Variants in CHEK2 observed in about 807,000 individuals in gnomAD.
CHEK2 encodes checkpoint kinase 2.
A neutral mutation model predicts 69.1 loss-of-function variants in CHEK2; 71 were observed. That is an observed-to-expected ratio of 1.03 (90% confidence interval 0.85 to 1.25). CHEK2 has a LOEUF of 1.25. Among genes scored for constraint, CHEK2 ranks in the 50% most tolerant of loss-of-function variants. The probability of loss-of-function intolerance (pLI) is 0.00; values close to 1 mark genes in which losing one functional copy is unlikely to be tolerated. For synonymous variants in CHEK2, 189 were observed against 226.9 expected (o/e 0.83, Z 1.50); for missense variants, 664 against 649.6 (o/e 1.02, Z -0.24).
chr22:28,734,824 A>AC, intron 1 of CHEK2, 97 bp from the exon 2 acceptor site: 79 of 898,428 alleles, frequency 8.8e-5, no homozygotes, highest in Non-Finnish European at 8.9e-5. Context: ...GCAAAAGAAA[A>AC]GAAAAAAAAA....
chr22:28,707,253 G>T (rs140461148), intron 7 of CHEK2, among the ~76,000 whole-genome samples: 1 of 152,158 alleles, frequency 6.6e-6, no homozygotes, highest in Non-Finnish European at 1.5e-5. Context: ...GGGAATTAAC[G>T]ATCTCTGTCA....
chr22:28,721,904 T>A (rs1309886821), intron 4 of CHEK2, among the ~76,000 whole-genome samples: 3 of 151,914 alleles, frequency 2.0e-5, no homozygotes, highest in Admixed American at 2.0e-4. Context: ...CTAATTTTTT[T>A]ATGTTTGGCA....
rs767300636 is a variant in CHEK2 at position 28,711,801 on chromosome 22, T to C, written c.792+108A>G. 3.7e-6 allele frequency: 3 copies of C among 803,504 alleles called. No individual in the cohort carries two copies. In the South Asian group the frequency reaches 4.2e-5, roughly 11 times the overall value. The allele number at this position is 803,504 out of a possible 1,614,324, so 49.8% of individuals were successfully genotyped here. ...TCTTTGATACTCACAAATTCATCCA[T>C]CTAAGCAGGGGGTTATTCCTGAGTT... On this transcript the variant is annotated intron_variant, in intron 6 of 14. Coordinates refer to ENST00000404276, the MANE Select transcript of CHEK2 (RefSeq NM_007194.4).
At chr22:28,723,601 GAAAAAAAAAGAA>G (rs894265910) in intron 4 of CHEK2, among the ~76,000 whole-genome samples, 2 of 48,862 alleles carry the variant, frequency 4.1e-5, no homozygotes, top group Non-Finnish European at 7.5e-5. Context: ...CCGTCACAAG[GAAAAAAAAAGAA>G]AAAAAAAAAA....
At chr22:28,688,721 T>TCAACAA (rs1039027002) in intron 14 of CHEK2, among the ~76,000 whole-genome samples, 7 of 151,774 alleles carry the variant, frequency 4.6e-5, no homozygotes, top group African/African-American at 1.7e-4. Flanking sequence ...CAGCTACCAT[T>TCAACAA]CAACAACAAC....
At chr22:28,715,421 T>TTTA (rs2053557184) in intron 5 of CHEK2, among the ~76,000 whole-genome samples, 1 of 112,022 alleles carries the variant, frequency 8.9e-6, no homozygotes, top group Non-Finnish European at 2.0e-5. Flanking sequence ...TTATTTATTT[T>TTTA]AATATTTTAT....
chr22:28,731,458 C>T (rs898348042), intron 2 of CHEK2, among the ~76,000 whole-genome samples: 5 of 151,486 alleles, frequency 3.3e-5, no homozygotes, highest in South Asian at 2.1e-4. Context: ...AACTTAGCCA[C>T]GGTGGTGGGC....
intron 9 of CHEK2, among the ~76,000 whole-genome samples, chr22:28,699,140 G>C (rs548631815): frequency 6.6e-6 from 1 of 152,068 alleles, no homozygotes; most frequent in African/African-American, 2.4e-5. Flanking sequence ...GAGTGGCTAA[G>C]ACCACAGGTG....
At chr22:28,705,361 G>T (rs1170134054) in intron 7 of CHEK2, among the ~76,000 whole-genome samples, 4 of 152,088 alleles carry the variant, frequency 2.6e-5, no homozygotes, top group East Asian at 3.9e-4. Flanking sequence ...ACAGGTGTGA[G>T]CCACTGCACC....
At position 28,691,557 on chromosome 22, in the gene CHEK2, A is replaced by G. The variant is rs1196930556; in HGVS notation, c.1462-2342T>C. The stretch of plus-strand genomic sequence containing the variant: ...TTCCAAAATATTAAATTAGCCAGGA[A>G]CAGTGGCTCGTGCCTATTATCCAAG... On this transcript the variant is annotated intron_variant, in intron 13 of 14. Coordinates refer to ENST00000404276, the MANE Select transcript of CHEK2 (RefSeq NM_007194.4). 3.8e-4 allele frequency among the ~76,000 whole-genome samples: 57 copies of G among 151,030 alleles called. No individual in the cohort carries two copies. The East Asian group carries it at 5.6e-3, about 15-fold the overall frequency.
At chr22:28,715,060 GCAACACC>G (rs2053541441) in intron 5 of CHEK2, among the ~76,000 whole-genome samples, 1 of 152,112 alleles carries the variant, frequency 6.6e-6, no homozygotes, top group Admixed American at 6.6e-5. Flanking sequence ...GAGACACAGA[GCAACACC>G]CTGTCATTCA....
At chr22:28,734,820 G>GAAAAAAAAA in intron 1 of CHEK2, 93 bp from the exon 2 acceptor site, 1 of 710,340 alleles carries the variant, frequency 1.4e-6, no homozygotes, top group Non-Finnish European at 2.1e-6. Context: ...AACAGCAAAA[G>GAAAAAAAAA]AAAAGAAAAA....
intron 2 of CHEK2, among the ~76,000 whole-genome samples, chr22:28,734,111 G>A (rs565376939): frequency 6.6e-6 from 1 of 152,204 alleles, no homozygotes; most frequent in African/African-American, 2.4e-5. Flanking sequence ...TACATAGGAT[G>A]TAAACAGTGG....
At chr22:28,706,298 T>TCA (rs113795955) in intron 7 of CHEK2, among the ~76,000 whole-genome samples, 15,378 of 147,838 alleles carry the variant, frequency 0.1, 778 homozygotes, top group African/African-American at 0.12. Context: ...ACACTCCAGC[T>TCA]CACACACACA....
At chr22:28,698,433 G>C (rs192377109) in intron 9 of CHEK2, among the ~76,000 whole-genome samples, 1 of 151,968 alleles carries the variant, frequency 6.6e-6, no homozygotes, top group South Asian at 2.1e-4. Flanking sequence ...TAAAAGGCTT[G>C]TGTTTATGGG....
chr22:28,739,095 C>T (rs2054490732), intron 1 of CHEK2, among the ~76,000 whole-genome samples: 1 of 151,876 alleles, frequency 6.6e-6, no homozygotes, highest in Non-Finnish European at 1.5e-5. Flanking sequence ...ATGGCAAAAC[C>T]ACATCTCTAC....
At chr22:28,721,645 AAAGATAAAT>A (rs1284049169) in intron 4 of CHEK2, 2 of 460,922 alleles carry the variant, frequency 4.3e-6, no homozygotes, top group African/African-American at 4.1e-5. Context: ...TTAAAAAAAA[AAAGATAAAT>A]ATGTGAGGTA....
At chr22:28,720,994 C>T (rs1453276775) in intron 4 of CHEK2, among the ~76,000 whole-genome samples, 1 of 152,202 alleles carries the variant, frequency 6.6e-6, no homozygotes, top group Admixed American at 6.5e-5. Flanking sequence ...CTACTCAGTG[C>T]CTACAGATCC....
At chr22:28,692,253 C>T (rs1018889444) in intron 13 of CHEK2, among the ~76,000 whole-genome samples, 3 of 152,166 alleles carry the variant, frequency 2.0e-5, no homozygotes, top group Non-Finnish European at 4.4e-5. Flanking sequence ...CCAAGAGTTT[C>T]CCTATTAGGA....
Sources: gnomAD v4.1 joint callset for allele counts (sites outside exome capture counted in the v4.1 genomes callset) on GRCh38, gnomAD v4.1.1 for gene constraint, MANE v1.5 for transcripts, NCBI Gene and HGNC (gene_info 2026-07-23, HGNC 2026-07-21) for gene names.